The following LRRTM4 variants were observed in gnomAD, a reference collection of about 807,000 sequenced individuals.
The protein encoded by LRRTM4 is leucine rich repeat transmembrane neuronal 4.
Under a neutral mutation model 47.6 loss-of-function variants are expected in LRRTM4, and 25 were observed. The ratio of observed to expected loss-of-function variants is 0.53; its 90% CI spans 0.38 to 0.73. LRRTM4 has a LOEUF of 0.73. LRRTM4 is among the 30% of genes least tolerant of loss of function. LRRTM4 has a pLI of 0.00. For synonymous variants in LRRTM4, 311 were observed against 269.5 expected (o/e 1.15, Z -1.51); for missense variants, 638 against 713.4 (o/e 0.89, Z 1.20).
At chr2:77,034,010 A>G (rs940609500) in intron 3 of LRRTM4, among the ~76,000 whole-genome samples, 2 of 151,820 alleles carry the variant, frequency 1.3e-5, no homozygotes, top group Non-Finnish European at 2.9e-5. Context: ...AAGTATGCTT[A>G]GTATACCTTT....
intron 3 of LRRTM4, among the ~76,000 whole-genome samples, chr2:76,809,383 C>CAGTT (rs1473353629): frequency 1.3e-5 from 2 of 152,154 alleles, no homozygotes; most frequent in African/African-American, 4.8e-5. Flanking sequence ...GTTCCCTTAT[C>CAGTT]AGTTATGTCA....
intron 3 of LRRTM4, among the ~76,000 whole-genome samples, chr2:76,899,311 CCACACACA>C (rs34031809): frequency 1.2e-3 from 168 of 136,440 alleles, no homozygotes; most frequent in Middle Eastern, 3.7e-3. Context: ...GACTAATAAA[CCACACACA>C]CACACACACA....
intron 3 of LRRTM4, among the ~76,000 whole-genome samples, chr2:77,053,382 T>C (rs1019048754): frequency 1.6e-4 from 24 of 152,076 alleles, no homozygotes; most frequent in African/African-American, 5.3e-4. Flanking sequence ...AGGTTCAATA[T>C]GAAGCATAGT....
chr2:76,797,152 ACACACAATT>A (rs1203579664), intron 3 of LRRTM4, among the ~76,000 whole-genome samples: 2 of 152,102 alleles, frequency 1.3e-5, no homozygotes, highest in Non-Finnish European at 2.9e-5. Flanking sequence ...CTACTCCAAT[ACACACAATT>A]GTCAGATTCA....
intron 3 of LRRTM4, among the ~76,000 whole-genome samples, chr2:76,875,170 A>G (rs1453781331): frequency 6.6e-6 from 1 of 152,140 alleles, no homozygotes; most frequent in East Asian, 1.9e-4. Context: ...ATTTTATTTT[A>G]CTTTTCAATA....
intron 3 of LRRTM4, among the ~76,000 whole-genome samples, chr2:76,811,678 C>T (rs943983877): frequency 2.0e-5 from 3 of 152,150 alleles, no homozygotes; most frequent in Admixed American, 6.6e-5. Flanking sequence ...GGGCTGACTT[C>T]ATGTATGTAT....
chr2:77,394,243 A>G (rs1335805962), intron 3 of LRRTM4, among the ~76,000 whole-genome samples: 2 of 151,982 alleles, frequency 1.3e-5, no homozygotes, highest in Non-Finnish European at 2.9e-5. Flanking sequence ...ATTCTGTTGT[A>G]ATGTCTCTAG....
chr2:77,206,213 C>T (rs1312594652), intron 3 of LRRTM4, among the ~76,000 whole-genome samples: 1 of 146,632 alleles, frequency 6.8e-6, no homozygotes, highest in Non-Finnish European at 1.5e-5. Context: ...GGGTCTCACT[C>T]TGTTGCCCAG....
At chr2:77,484,460 T>C (rs1219940997) in intron 3 of LRRTM4, among the ~76,000 whole-genome samples, 1 of 152,196 alleles carries the variant, frequency 6.6e-6, no homozygotes, top group Non-Finnish European at 1.5e-5. Flanking sequence ...TGAGCAAGAC[T>C]TGAGATTGCA....
At chr2:76,795,735 T>G (rs66650355) in intron 3 of LRRTM4, among the ~76,000 whole-genome samples, 4 of 151,772 alleles carry the variant, frequency 2.6e-5, no homozygotes, top group African/African-American at 7.3e-5. Flanking sequence ...CTTTGGATAC[T>G]CATTTTATGA....
At chr2:76,939,104 G>T (rs552646781) in intron 3 of LRRTM4, among the ~76,000 whole-genome samples, 8 of 152,124 alleles carry the variant, frequency 5.3e-5, no homozygotes, top group African/African-American at 1.9e-4. Flanking sequence ...TTTACTAGAG[G>T]TGGGAATAAT....
chr2:76,949,214 C>G (rs1005578660), intron 3 of LRRTM4, among the ~76,000 whole-genome samples: 20 of 151,832 alleles, frequency 1.3e-4, no homozygotes, highest in African/African-American at 1.7e-4. Context: ...TGGAGAAATC[C>G]TCAACACTGA....
intron 3 of LRRTM4, among the ~76,000 whole-genome samples, chr2:76,809,768 T>C (rs1670672343): frequency 6.6e-6 from 1 of 152,162 alleles, no homozygotes; most frequent in Non-Finnish European, 1.5e-5. Context: ...GTATTTCTTT[T>C]CTCTGCTTTC....
At chr2:77,407,042 A>C (rs2103849149) in intron 3 of LRRTM4, among the ~76,000 whole-genome samples, 1 of 152,286 alleles carries the variant, frequency 6.6e-6, no homozygotes, top group Non-Finnish European at 1.5e-5. Flanking sequence ...GATAATTTCT[A>C]ATTGTAAGGG....
Position 77,255,311 on chromosome 2 carries a change from A to G in LRRTM4, c.1551+263007T>C, listed in dbSNP as rs188275637. Among the ~76,000 whole-genome samples the G allele has an allele frequency of 6.4e-4, 98 of 152,140 alleles. 1 individual carries two copies. Among genetic ancestry groups the G allele is most frequent in the Non-Finnish European group, 1.0e-3 (70 of 67,920 alleles). On this transcript the variant is annotated intron_variant, in intron 3 of 3. Coordinates refer to ENST00000409884, the MANE Select transcript of LRRTM4 (RefSeq NM_001134745.3). ...ATTGAAAGGAGAAATAGGCTAATGCACAATTACAGTCAATTCTTCCACTCC... is the reference window on the plus strand; with the variant it reads ...ATTGAAAGGAGAAATAGGCTAATGCGCAATTACAGTCAATTCTTCCACTCC...
At chr2:77,385,855 C>A (rs1352667795) in intron 3 of LRRTM4, among the ~76,000 whole-genome samples, 1 of 141,930 alleles carries the variant, frequency 7.0e-6, no homozygotes, top group South Asian at 2.2e-4. Context: ...TCAAGTGATT[C>A]TTCTGGCCCA....
intron 3 of LRRTM4, among the ~76,000 whole-genome samples, chr2:77,321,916 A>G (rs1004697024): frequency 6.6e-6 from 1 of 152,198 alleles, no homozygotes; most frequent in African/African-American, 2.4e-5. Flanking sequence ...TTTGTTGTGA[A>G]TTCAATAGAA....
At chr2:77,087,087 A>G (rs1176472342) in intron 3 of LRRTM4, among the ~76,000 whole-genome samples, 1 of 152,218 alleles carries the variant, frequency 6.6e-6, no homozygotes, top group African/African-American at 2.4e-5. Flanking sequence ...TAAAGCAACC[A>G]GTGTATAGCT....
chr2:76,754,176 A>G (rs1672947723), intron 3 of LRRTM4, among the ~76,000 whole-genome samples: 1 of 152,204 alleles, frequency 6.6e-6, no homozygotes, highest in South Asian at 2.1e-4. Flanking sequence ...ATGAAGATAG[A>G]CACTTCACTT....
Sources: gnomAD v4.1 joint callset for allele counts (sites outside exome capture counted in the v4.1 genomes callset) on GRCh38, gnomAD v4.1.1 for gene constraint, MANE v1.5 for transcripts, NCBI Gene and HGNC (gene_info 2026-07-23, HGNC 2026-07-21) for gene names.